PLCB1: variants seen among roughly 807,000 people sequenced by gnomAD.
PLCB1 encodes the protein phospholipase C beta 1, also known as 1-phosphatidylinositol 4,5-bisphosphate phosphodiesterase beta-1.
In PLCB1, 46 loss-of-function variants were observed where a neutral mutation model predicts 161.8. The ratio of observed to expected loss-of-function variants is 0.28; its 90% CI spans 0.22 to 0.36. The LOEUF is 0.36. Among genes scored for constraint, PLCB1 ranks in the 10% least tolerant of loss-of-function variants. PLCB1 has a pLI of 1.00. For missense variants in PLCB1, 1,016 were observed against 1,472.5 expected, an observed-to-expected ratio of 0.69 and a Z score of 5.07; for synonymous variants, 517 against 503.7, an observed-to-expected ratio of 1.03 and a Z score of -0.35.
chr20:8,269,137 A>T (rs1982141450), intron 2 of PLCB1, among the ~76,000 whole-genome samples: 1 of 152,090 alleles, frequency 6.6e-6, no homozygotes, highest in African/African-American at 2.4e-5. Flanking sequence ...CAGAATGTGC[A>T]GGTTTGTTAC....
In PLCB1 at chr20:8,187,585, A is replaced by G. The variant is rs1421444239; in HGVS notation, c.177+37214A>G. On this transcript the variant is annotated intron_variant, in intron 2 of 31. Transcript: ENST00000338037. ...TGGCAGGTATCTCTCCACTTCCTAG[A>G]GTTTTCCTTGCTGATCTCATCCTCA... Among the ~76,000 whole-genome samples the G allele has an allele frequency of 7.9e-5, 12 of 152,058 alleles. No homozygotes were observed. The South Asian group carries it at 1.0e-3, about 13-fold the overall frequency.
chr20:8,805,865 G>T (rs1399614708), intron 31 of PLCB1, among the ~76,000 whole-genome samples: 1 of 152,112 alleles, frequency 6.6e-6, no homozygotes, highest in Non-Finnish European at 1.5e-5. Context: ...CAACACCTGT[G>T]CCTCAATATA....
At chr20:8,845,175 A>G (rs1986649102) in intron 31 of PLCB1, among the ~76,000 whole-genome samples, 1 of 152,132 alleles carries the variant, frequency 6.6e-6, no homozygotes, top group African/African-American at 2.4e-5. Context: ...CCAATTAAAC[A>G]GATCATGAGT....
chr20:8,665,335 GC>G lies in PLCB1; in HGVS notation c.862+6632del, dbSNP rs1420307632. 2.0e-5 allele frequency among the ~76,000 whole-genome samples: 3 copies of G among 152,046 alleles called. No homozygotes were observed. In the East Asian group the frequency reaches 5.8e-4, roughly 29 times the overall value. Reference sequence around the variant, plus strand: ...AGGTTACATATATTTATTGTTGTTGGCTAAATTGTCATTTACCTGAACTAAT... The same window carrying G: ...AGGTTACATATATTTATTGTTGTTGGTAAATTGTCATTTACCTGAACTAAT... On this transcript the variant is annotated intron_variant, in intron 9 of 31. Transcript: ENST00000338037.
At chr20:8,314,935 T>C (rs1984569453) in intron 2 of PLCB1, among the ~76,000 whole-genome samples, 1 of 152,136 alleles carries the variant, frequency 6.6e-6, no homozygotes, top group Non-Finnish European at 1.5e-5. Context: ...GAGCCACTAA[T>C]CAAGATTGGT....
Position 8,770,155 on chromosome 20 carries a change from T to C in PLCB1, c.2931-4384T>C, listed in dbSNP as rs543129751. Among the ~76,000 whole-genome samples the C allele has an allele frequency of 6.6e-5, 10 of 152,104 alleles. No homozygotes were observed. In the South Asian group the frequency reaches 2.1e-3, roughly 32 times the overall value. On this transcript the variant is annotated intron_variant, in intron 26 of 31. Coordinates refer to ENST00000338037, the MANE Select transcript of PLCB1 (RefSeq NM_015192.4). Reference sequence around the variant, plus strand: ...TTTTAGTAGAGACGGGGTTTCACTGTGTTAGCCAGGATGGCCTCGATCTCC... The same window carrying C: ...TTTTAGTAGAGACGGGGTTTCACTGCGTTAGCCAGGATGGCCTCGATCTCC...
Position 8,734,135 on chromosome 20 carries a change from C to CAAAAAAAAAAAAA in PLCB1, c.2043+756_2043+768dup, listed in dbSNP as rs10624037. ...AGAGCGAGAGAGCGAGACTCTGTCT[C>CAAAAAAAAAAAAA]AAAAAAAAAAAAAAAAAAAAAAAAA... is the stretch of plus-strand genomic sequence containing the variant. On this transcript the variant is annotated intron_variant, in intron 19 of 31. Coordinates refer to ENST00000338037, the MANE Select transcript of PLCB1 (RefSeq NM_015192.4). 2.6e-4 allele frequency among the ~76,000 whole-genome samples: 15 copies of CAAAAAAAAAAAAA among 57,926 alleles called. 1 individual carries two copies. In the East Asian group the frequency reaches 3.7e-3, roughly 14 times the overall value. The allele number at this position is 57,926 out of a possible 152,430, so 38.0% of individuals were successfully genotyped here. A position where few individuals can be genotyped will look rare whatever the true frequency, so the allele number is the denominator to read the frequency against.
chr20:8,356,144 C>T (rs1986355293), intron 2 of PLCB1, among the ~76,000 whole-genome samples: 2 of 152,102 alleles, frequency 1.3e-5, no homozygotes, highest in Non-Finnish European at 2.9e-5. Context: ...TCATAAACAT[C>T]AATTATTTAA....
chr20:8,244,104 G>T (rs1311314891), intron 2 of PLCB1, among the ~76,000 whole-genome samples: 1 of 151,898 alleles, frequency 6.6e-6, no homozygotes, highest in Non-Finnish European at 1.5e-5. Flanking sequence ...TGAATGACTG[G>T]CAGTACCACA....
intron 18 of PLCB1, among the ~76,000 whole-genome samples, chr20:8,732,395 C>T (rs1980300687): frequency 6.6e-6 from 1 of 151,674 alleles, no homozygotes; most frequent in Non-Finnish European, 1.5e-5. Context: ...GAATTCCTCT[C>T]ATAAGAAAAT....
intron 2 of PLCB1, among the ~76,000 whole-genome samples, chr20:8,266,949 A>G (rs570355430): frequency 1.3e-5 from 2 of 152,116 alleles, no homozygotes; most frequent in East Asian, 3.9e-4. Flanking sequence ...TGAGGCAAGA[A>G]TCGCTTGAAC....
chr20:8,807,178 G>C (rs6056132), intron 31 of PLCB1, among the ~76,000 whole-genome samples: 1 of 152,088 alleles, frequency 6.6e-6, no homozygotes, highest in Non-Finnish European at 1.5e-5. Flanking sequence ...GTTTGTCACT[G>C]AAATAATAGT....
intron 12 of PLCB1, among the ~76,000 whole-genome samples, chr20:8,713,900 C>T (rs1391476496): frequency 6.6e-6 from 1 of 152,084 alleles, no homozygotes; most frequent in African/African-American, 2.4e-5. Context: ...GACTTCCTGA[C>T]AGAGGACACC....
rs1472763466 is a variant in PLCB1 at position 8,414,217 on chromosome 20, T to A, written c.246+42767T>A. Among the ~76,000 whole-genome samples, 5 of 152,150 alleles carry A rather than the reference T, an allele frequency of 3.3e-5. No homozygotes were observed. The East Asian group carries it at 9.6e-4, about 29-fold the overall frequency. On this transcript the variant is annotated intron_variant, in intron 3 of 31. Transcript: ENST00000338037. ...TCGTCATACTAAAAAATGAGTGGTG[T>A]CTGCACATATTTTTATTTGGGATAA...
intron 1 of PLCB1, among the ~76,000 whole-genome samples, chr20:8,147,193 G>A (rs183123021): frequency 1.8e-4 from 27 of 152,250 alleles, no homozygotes; most frequent in Non-Finnish European, 2.9e-4. Context: ...TTCAGACTCC[G>A]TCCCAGAGCT....
intron 2 of PLCB1, among the ~76,000 whole-genome samples, chr20:8,275,659 A>G (rs924333229): frequency 6.6e-6 from 1 of 152,128 alleles, no homozygotes; most frequent in African/African-American, 2.4e-5. Context: ...TGTTTTGCCC[A>G]TGTTTAAATG....
At chr20:8,262,200 G>A (rs1349588097) in intron 2 of PLCB1, among the ~76,000 whole-genome samples, 1 of 151,994 alleles carries the variant, frequency 6.6e-6, no homozygotes, top group East Asian at 1.9e-4. Context: ...TCCTGCCTCA[G>A]ACTCACAAAT....
chr20:8,187,109 C>T (rs535720210), intron 2 of PLCB1, among the ~76,000 whole-genome samples: 22 of 152,180 alleles, frequency 1.4e-4, no homozygotes, highest in Non-Finnish European at 8.8e-5. Flanking sequence ...CTTGGATGAC[C>T]TCATCCACTA....
At chr20:8,253,123 T>G (rs1341579403) in intron 2 of PLCB1, among the ~76,000 whole-genome samples, 1 of 151,944 alleles carries the variant, frequency 6.6e-6, no homozygotes, top group Non-Finnish European at 1.5e-5. Context: ...CCTGTTGATA[T>G]CATGTGCAGA....
Sources: gnomAD v4.1 joint callset for allele counts (sites outside exome capture counted in the v4.1 genomes callset) on GRCh38, gnomAD v4.1.1 for gene constraint, MANE v1.5 for transcripts, NCBI Gene and HGNC (gene_info 2026-07-23, HGNC 2026-07-21) for gene names.